The following RBPJ variants were observed in gnomAD, a reference collection of about 807,000 sequenced individuals.
RBPJ encodes recombining binding protein suppressor of hairless.
Under a neutral mutation model 67.8 loss-of-function variants are expected in RBPJ, and 9 were observed. The ratio of observed to expected loss-of-function variants is 0.13; its 90% CI spans 0.08 to 0.23. The LOEUF is 0.23. Ranked by LOEUF, RBPJ falls within the 10% of genes least tolerant of loss-of-function variation. The pLI is 1.00. For missense variants in RBPJ, 305 were observed against 595.6 expected, an observed-to-expected ratio of 0.51 and a Z score of 5.08; for synonymous variants, 198 against 203.3, an observed-to-expected ratio of 0.97 and a Z score of 0.22.
At chr4:26,178,797 G>A (rs574338162) in intron 1 of RBPJ, among the ~76,000 whole-genome samples, 55 of 150,976 alleles carry the variant, frequency 3.6e-4, no homozygotes, top group Non-Finnish European at 4.3e-4. Flanking sequence ...TTACAAAACC[G>A]TTGCTTGCTG....
At chr4:26,390,334 A>T (rs559272349) in intron 2 of RBPJ, among the ~76,000 whole-genome samples, 4 of 152,304 alleles carry the variant, frequency 2.6e-5, no homozygotes, top group Non-Finnish European at 5.9e-5. Context: ...TTCCTCTAAC[A>T]TTAGGAACAA....
rs546850266 is a variant in RBPJ, at chr4:26,349,279, C to T, written c.20+28231C>T. On this transcript the variant is annotated intron_variant, in intron 1 of 10. Coordinates refer to ENST00000355476, the MANE Select transcript of RBPJ (RefSeq NM_015874.6). The stretch of plus-strand genomic sequence containing the variant: ...TAGAGATGGTGTCTCGCTATGTTGC[C>T]CAGGCTGGCCTCAAACTTCTGGACG... Among the ~76,000 whole-genome samples, 9 of 152,022 alleles carry T rather than the reference C, an allele frequency of 5.9e-5. No homozygotes were observed. In the East Asian group the frequency reaches 1.2e-3, roughly 20 times the overall value.
upstream of RBPJ, chr4:26,319,686 G>A: frequency 3.0e-6 from 2 of 676,060 alleles, no homozygotes; most frequent in Non-Finnish European, 2.7e-6. Flanking sequence ...GGAAGGAGGT[G>A]TAGCGTGAGA....
chr4:26,350,747 A>T (rs1346053873), intron 1 of RBPJ, among the ~76,000 whole-genome samples: 1 of 152,220 alleles, frequency 6.6e-6, no homozygotes, highest in Non-Finnish European at 1.5e-5. Flanking sequence ...TAAATACAGA[A>T]TTCAAAGATG....
chr4:26,335,075 C>T (rs1365010614), intron 1 of RBPJ, among the ~76,000 whole-genome samples: 2 of 152,286 alleles, frequency 1.3e-5, no homozygotes, highest in Non-Finnish European at 1.5e-5. Context: ...ATAAAATAGA[C>T]TTGATATCTG....
At chr4:26,258,262 C>T (rs1467719762) in intron 1 of RBPJ, among the ~76,000 whole-genome samples, 3 of 152,206 alleles carry the variant, frequency 2.0e-5, no homozygotes, top group African/African-American at 7.2e-5. Context: ...TACCAATTGA[C>T]TTTTTTCTAT....
chr4:26,136,804 T>G, the RBPJ span, among the ~76,000 whole-genome samples: 2 of 152,200 alleles, frequency 1.3e-5, no homozygotes. Flanking sequence ...AACTTCCTTA[T>G]TTATCTTTTC....
chr4:26,316,716 C>CATTGTGT (rs1481027661), upstream of RBPJ, among the ~76,000 whole-genome samples: 1 of 142,206 alleles, frequency 7.0e-6, no homozygotes, highest in Non-Finnish European at 1.5e-5. Context: ...TATATACACA[C>CATTGTGT]ACACACATAT....
intron 1 of RBPJ, among the ~76,000 whole-genome samples, chr4:26,376,992 G>A (rs1050906441): frequency 2.0e-5 from 3 of 152,076 alleles, no homozygotes; most frequent in African/African-American, 7.2e-5. Context: ...CTTTGTTGTT[G>A]AGCTTAGGAG....
chr4:26,388,649 A>G (rs1731172982), intron 2 of RBPJ, among the ~76,000 whole-genome samples: 1 of 152,176 alleles, frequency 6.6e-6, no homozygotes, highest in Admixed American at 6.5e-5. Context: ...CTAAAGATGA[A>G]AAGTTTAATA....
chr4:26,302,093 G>A (rs1307192844), intron 1 of RBPJ, among the ~76,000 whole-genome samples: 1 of 152,088 alleles, frequency 6.6e-6, no homozygotes, highest in Non-Finnish European at 1.5e-5. Flanking sequence ...AGCCCAGCCA[G>A]GATAATTTTT....
intron 1 of RBPJ, among the ~76,000 whole-genome samples, chr4:26,339,351 T>C (rs141957315): frequency 7.2e-4 from 110 of 152,120 alleles, no homozygotes; most frequent in African/African-American, 2.6e-3. Context: ...TCAATTTCGT[T>C]GTTAACAGTC....
chr4:26,315,827 C>G (rs1488979174), upstream of RBPJ, among the ~76,000 whole-genome samples: 1 of 152,068 alleles, frequency 6.6e-6, no homozygotes, highest in African/African-American at 2.4e-5. Flanking sequence ...TATTGATTAT[C>G]AATATTCCTT....
intron 1 of RBPJ, among the ~76,000 whole-genome samples, chr4:26,181,054 T>C (rs4499691): frequency 0.49 from 74,935 of 152,040 alleles, 18,718 homozygotes; most frequent in African/African-American, 0.53. Flanking sequence ...TCTTCCTTGG[T>C]CTTCTGCCAT....
chr4:26,241,977 A>G (rs888115418), intron 1 of RBPJ, among the ~76,000 whole-genome samples: 1 of 152,226 alleles, frequency 6.6e-6, no homozygotes, highest in Non-Finnish European at 1.5e-5. Flanking sequence ...AACCAAAGAG[A>G]GCACAAAGTT....
At chr4:26,204,851 C>G (rs1718114088) in intron 1 of RBPJ, among the ~76,000 whole-genome samples, 1 of 152,182 alleles carries the variant, frequency 6.6e-6, no homozygotes, top group Non-Finnish European at 1.5e-5. Flanking sequence ...TGTTTTATTA[C>G]TGTTAGTGTG....
rs573484175 is a variant in RBPJ at position 26,329,754 on chromosome 4, C to T, written c.20+8706C>T. Among the ~76,000 whole-genome samples the T allele has an allele frequency of 3.3e-5, 5 of 152,018 alleles. 1 individual carries two copies. The highest frequency in any genetic ancestry group is 1.2e-4 in the African/African-American group (5 of 41,482). On this transcript the variant is annotated intron_variant, in intron 1 of 10. Coordinates refer to ENST00000355476, the MANE Select transcript of RBPJ (RefSeq NM_015874.6). ...CTAAAAATACAAAAAATTAGCTGGG[C>T]GTGTTGGCAGGCGCCTGTAGTCACA...
intron 1 of RBPJ, among the ~76,000 whole-genome samples, chr4:26,309,878 T>C (rs1245854916): frequency 2.0e-5 from 3 of 152,216 alleles, no homozygotes; most frequent in Non-Finnish European, 4.4e-5. Context: ...CATGGAAACA[T>C]TTTCCTCCAA....
At chr4:26,412,379 G>C (rs188853696) in intron 3 of RBPJ, among the ~76,000 whole-genome samples, 6 of 152,102 alleles carry the variant, frequency 3.9e-5, no homozygotes, top group Admixed American at 3.9e-4. Context: ...CTACAGGCGT[G>C]CGCCACCATG....
Sources: gnomAD v4.1 joint callset for allele counts (sites outside exome capture counted in the v4.1 genomes callset) on GRCh38, gnomAD v4.1.1 for gene constraint, MANE v1.5 for transcripts, NCBI Gene and HGNC (gene_info 2026-07-23, HGNC 2026-07-21) for gene names.